The following PDSS2 variants were observed in gnomAD, a reference collection of about 807,000 sequenced individuals.
PDSS2 encodes all trans-polyprenyl-diphosphate synthase PDSS2.
In PDSS2, 31 loss-of-function variants were observed where a neutral mutation model predicts 44.5. The ratio of observed to expected loss-of-function variants is 0.70; its 90% CI spans 0.52 to 0.94. The LOEUF is 0.94. Among genes scored for constraint, PDSS2 ranks in the 40% least tolerant of loss-of-function variants. PDSS2 has a pLI of 0.00. For missense variants in PDSS2, 452 were observed against 482.2 expected (o/e 0.94, Z 0.59); for synonymous variants, 157 against 180.3 (o/e 0.87, Z 1.03).
chr6:107,218,584 C>G (rs1336998611), intron 4 of PDSS2, among the ~76,000 whole-genome samples: 1 of 152,176 alleles, frequency 6.6e-6, no homozygotes, highest in African/African-American at 2.4e-5. Context: ...CTTTACTAGA[C>G]TATAAGTTCC....
intron 1 of PDSS2, among the ~76,000 whole-genome samples, chr6:107,457,860 G>A (rs1782095411): frequency 6.6e-6 from 1 of 152,134 alleles, no homozygotes; most frequent in South Asian, 2.1e-4. Flanking sequence ...ATATACCTAA[G>A]TTGGTAACTG....
intron 1 of PDSS2, among the ~76,000 whole-genome samples, chr6:107,410,751 G>A (rs1171455939): frequency 6.6e-6 from 1 of 151,980 alleles, no homozygotes; most frequent in Non-Finnish European, 1.5e-5. Context: ...GCCTCCCAAA[G>A]TGCTGAGATT....
At chr6:107,178,385 C>T (rs746765937) in intron 7 of PDSS2, among the ~76,000 whole-genome samples, 9 of 152,238 alleles carry the variant, frequency 5.9e-5, no homozygotes, top group Middle Eastern at 3.4e-3. Context: ...GAGGTCTCTA[C>T]GCTATGGTGT....
chr6:107,373,945 T>A (rs1447031373), intron 1 of PDSS2, among the ~76,000 whole-genome samples: 2 of 152,128 alleles, frequency 1.3e-5, no homozygotes. Flanking sequence ...TAAAGAAGGA[T>A]CCTGTGAACA....
chr6:107,457,543 T>C (rs1229749347), intron 1 of PDSS2, among the ~76,000 whole-genome samples: 1 of 152,174 alleles, frequency 6.6e-6, no homozygotes, highest in Non-Finnish European at 1.5e-5. Context: ...CTGGCCTCTA[T>C]CCACTAAATG....
intron 1 of PDSS2, among the ~76,000 whole-genome samples, chr6:107,410,225 A>C (rs1193033020): frequency 6.6e-6 from 1 of 152,180 alleles, no homozygotes; most frequent in East Asian, 1.9e-4. Flanking sequence ...AATTATGGGC[A>C]TTTTAATGCA....
intron 1 of PDSS2, among the ~76,000 whole-genome samples, chr6:107,345,342 G>T (rs1778209153): frequency 1.4e-5 from 2 of 147,258 alleles, no homozygotes; most frequent in Non-Finnish European, 3.0e-5. Flanking sequence ...TAGTATGTAG[G>T]CCTGTTTTTA....
At chr6:107,424,036 CTTTTTTTTTTT>C (rs56318621) in intron 1 of PDSS2, among the ~76,000 whole-genome samples, 7 of 90,584 alleles carry the variant, frequency 7.7e-5, no homozygotes, top group South Asian at 3.2e-4. Context: ...TATCTTGCAT[CTTTTTTTTTTT>C]TTTTTTTTTT....
In PDSS2 at chr6:107,326,782, G is replaced by A. The variant is rs1169848408; in HGVS notation, c.431+7416C>T. Reference sequence around the variant, plus strand: ...CAGGAGAATCATCTGAACCTGGGTGGTGGAGGTTGCAGTGAGCCGAGATCA... The same window carrying A: ...CAGGAGAATCATCTGAACCTGGGTGATGGAGGTTGCAGTGAGCCGAGATCA... On this transcript the variant is annotated intron_variant, in intron 2 of 7. Coordinates refer to ENST00000369037, the MANE Select transcript of PDSS2 (RefSeq NM_020381.4). Among the ~76,000 whole-genome samples the A allele has an allele frequency of 3.3e-5, 5 of 151,896 alleles. No homozygotes were observed. In the East Asian group the frequency reaches 9.8e-4, roughly 30 times the overall value.
At chr6:107,244,469 A>T (rs1043325033) in intron 4 of PDSS2, among the ~76,000 whole-genome samples, 2 of 152,180 alleles carry the variant, frequency 1.3e-5, no homozygotes, top group Non-Finnish European at 2.9e-5. Context: ...GTGAACTTGC[A>T]TGTCTTTGAA....
chr6:107,160,469 C>T (rs11750993), intron 7 of PDSS2, among the ~76,000 whole-genome samples: 64,183 of 151,740 alleles, frequency 0.42, 14,482 homozygotes, highest in Middle Eastern at 0.5. Context: ...CCATCTCAGC[C>T]CCCAAGTACC....
chr6:107,170,401 A>T (rs935291216), intron 7 of PDSS2, among the ~76,000 whole-genome samples: 7 of 152,104 alleles, frequency 4.6e-5, no homozygotes, highest in Non-Finnish European at 1.0e-4. Context: ...TCGGAAAGGG[A>T]ATTCCCTGAC....
intron 2 of PDSS2, among the ~76,000 whole-genome samples, chr6:107,286,185 G>C (rs1286711081): frequency 6.7e-6 from 1 of 148,500 alleles, no homozygotes; most frequent in African/African-American, 2.5e-5. Context: ...AATTTGAGGA[G>C]TTAAAATAAA....
At chr6:107,323,046 C>T (rs1034210432) in intron 2 of PDSS2, among the ~76,000 whole-genome samples, 1 of 152,174 alleles carries the variant, frequency 6.6e-6, no homozygotes, top group Non-Finnish European at 1.5e-5. Flanking sequence ...TTCTTAGGCA[C>T]TAAGCCACCT....
At chr6:107,334,746 C>T (rs1777828689) in intron 1 of PDSS2, among the ~76,000 whole-genome samples, 1 of 150,884 alleles carries the variant, frequency 6.6e-6, no homozygotes, top group African/African-American at 2.4e-5. Context: ...CAGAGTCTTG[C>T]TATGTTGCCC....
chr6:107,185,735 C>T (rs1562360096), intron 7 of PDSS2, among the ~76,000 whole-genome samples: 1 of 152,144 alleles, frequency 6.6e-6, no homozygotes, highest in East Asian at 1.9e-4. Flanking sequence ...GAGCCTTCTC[C>T]ACCAGTCCCA....
chr6:107,345,916 T>C (rs1307166134), intron 1 of PDSS2, among the ~76,000 whole-genome samples: 2 of 152,082 alleles, frequency 1.3e-5, no homozygotes, highest in Non-Finnish European at 2.9e-5. Context: ...ACAGAAAAAT[T>C]TCCACCAGAG....
intron 3 of PDSS2, among the ~76,000 whole-genome samples, chr6:107,260,658 ATTTTT>A (rs540553793): frequency 1.1e-5 from 1 of 93,410 alleles, no homozygotes; most frequent in Non-Finnish European, 2.1e-5. Flanking sequence ...TTCCCCCTTC[ATTTTT>A]TTTTTTTTTT....
rs1034188224 is a variant in PDSS2, at chr6:107,422,837, A to G, written c.296+36153T>C. 2.6e-5 allele frequency among the ~76,000 whole-genome samples: 4 copies of G among 152,270 alleles called. No homozygotes were observed. In the East Asian group the frequency reaches 7.7e-4, roughly 29 times the overall value. On this transcript the variant is annotated intron_variant, in intron 1 of 7. Coordinates refer to ENST00000369037, the MANE Select transcript of PDSS2 (RefSeq NM_020381.4). ...GTATTGTCCGACAGGAGCATGTTTT[A>G]TACAAAAATAAAATTAATTTTCATT...
Sources: gnomAD v4.1 joint callset for allele counts (sites outside exome capture counted in the v4.1 genomes callset) on GRCh38, gnomAD v4.1.1 for gene constraint, MANE v1.5 for transcripts, NCBI Gene and HGNC (gene_info 2026-07-23, HGNC 2026-07-21) for gene names.